PIAS1: variants seen among roughly 807,000 people sequenced by gnomAD.
PIAS1 encodes the protein protein inhibitor of activated STAT 1.
PIAS1 carries 6 observed loss-of-function variants against 71.3 expected under a neutral mutation model. That is an observed-to-expected ratio of 0.08 (90% CI 0.05 to 0.17). The LOEUF is 0.17. PIAS1 is among the 10% of genes least tolerant of loss of function. The pLI, the probability that PIAS1 is intolerant of heterozygous loss-of-function variation, is 1.00. For synonymous variants in PIAS1, 303 were observed against 292.9 expected (o/e 1.03, Z -0.35); for missense variants, 555 against 793.6 (o/e 0.70, Z 3.61).
intron 1 of PIAS1, among the ~76,000 whole-genome samples, chr15:68,073,260 AC>A (rs2092121308): frequency 6.6e-6 from 1 of 151,948 alleles, no homozygotes; most frequent in African/African-American, 2.4e-5. Context: ...CTCGTGATCT[AC>A]CCATCTCGGC....
intron 2 of PIAS1, among the ~76,000 whole-genome samples, chr15:68,119,727 T>C (rs558497789): frequency 2.0e-5 from 3 of 152,326 alleles, no homozygotes; most frequent in Admixed American, 2.0e-4. Context: ...TCTTCCAATT[T>C]CCTGTCCAGT....
At chr15:68,059,598 C>T (rs759108202) in intron 1 of PIAS1, among the ~76,000 whole-genome samples, 7 of 150,818 alleles carry the variant, frequency 4.6e-5, no homozygotes, top group Non-Finnish European at 7.4e-5. Context: ...GTAATCTCAG[C>T]TACTCAGGAG....
intron 2 of PIAS1, among the ~76,000 whole-genome samples, chr15:68,100,005 T>G (rs1281554493): frequency 6.6e-6 from 1 of 152,100 alleles, no homozygotes. Context: ...TTATTGACTT[T>G]TGAGAGTTCC....
At chr15:68,148,183 C>T (rs2092821520) in intron 6 of PIAS1, among the ~76,000 whole-genome samples, 1 of 152,124 alleles carries the variant, frequency 6.6e-6, no homozygotes, top group Non-Finnish European at 1.5e-5. Context: ...GGGAGGGCTT[C>T]CCTGAGGAAG....
At chr15:68,107,451 T>C (rs2092481650) in intron 2 of PIAS1, among the ~76,000 whole-genome samples, 1 of 152,206 alleles carries the variant, frequency 6.6e-6, no homozygotes, top group East Asian at 1.9e-4. Context: ...CAATATTTAC[T>C]CAAATGCCTG....
intron 2 of PIAS1, among the ~76,000 whole-genome samples, chr15:68,132,147 A>G (rs920973359): frequency 1.3e-5 from 2 of 152,014 alleles, no homozygotes; most frequent in Non-Finnish European, 1.5e-5. Flanking sequence ...ACTCCCAGAC[A>G]TGTATGTTTT....
At chr15:68,126,831 CTT>C (rs11398406) in intron 2 of PIAS1, among the ~76,000 whole-genome samples, 33 of 146,288 alleles carry the variant, frequency 2.3e-4, no homozygotes, top group East Asian at 8.0e-4. Context: ...TCCCAGCTAC[CTT>C]TTTTTTTTTT....
Position 68,164,398 on chromosome 15 carries a change from A to G in PIAS1, c.935-333A>G, listed in dbSNP as rs148101423. On this transcript the variant is annotated intron_variant, in intron 7 of 13. Coordinates refer to ENST00000249636, the MANE Select transcript of PIAS1 (RefSeq NM_016166.3). ...TTAAAAGAAAGAAAACCTTGATCCA[A>G]TATCTTAGAGTTATAAAAGAAAAAG... 2.1e-3 allele frequency among the ~76,000 whole-genome samples: 313 copies of G among 152,284 alleles called. 1 individual carries two copies. The highest frequency in any genetic ancestry group is 3.3e-3 in the Non-Finnish European group (222 of 68,008).
Position 68,186,784 on chromosome 15 carries a change from C to G in PIAS1, c.1663-758C>G, listed in dbSNP as rs1049491576. 2.0e-5 allele frequency among the ~76,000 whole-genome samples: 3 copies of G among 152,238 alleles called. No individual in the cohort carries two copies. Among genetic ancestry groups the G allele is most frequent in the Non-Finnish European group, 2.9e-5 (2 of 68,034 alleles). On this transcript the variant is annotated intron_variant, in intron 13 of 13. Coordinates refer to ENST00000249636, the MANE Select transcript of PIAS1 (RefSeq NM_016166.3). The surrounding 1 kb of genome is among the most constrained non-coding windows in gnomAD (Gnocchi z 4.4). Reference sequence around the variant, plus strand: ...CTTAGCATTGTGTTACAGTTGCCTACGGCATTCAGCACAGTAACATGCTGT... The same window carrying G: ...CTTAGCATTGTGTTACAGTTGCCTAGGGCATTCAGCACAGTAACATGCTGT...
rs527649821 is a variant in PIAS1 at position 68,189,800 on chromosome 15, G to C, written c.*1965G>C. The C allele has an allele frequency of 6.6e-6, 1 of 152,120 alleles. No individual in the cohort carries two copies. 9.4% of individuals were successfully genotyped at this position (152,120 alleles called of 1,614,324 possible). A position where few individuals can be genotyped will look rare whatever the true frequency, so the allele number is the denominator to read the frequency against. ...ACCAAAACAGATTGTCAGTTAACCA[G>C]GAAACAGTTAATGTTTTTTAATGAA... is the stretch of plus-strand genomic sequence containing the variant. On this transcript the variant is annotated 3_prime_UTR_variant, in exon 14 of 14. Coordinates refer to ENST00000249636, the MANE Select transcript of PIAS1 (RefSeq NM_016166.3).
In PIAS1 at chr15:68,171,350, T is replaced by C. The variant is rs1448352406; in HGVS notation, c.1009-2382T>C. ...TGTTTTACAGTTAACTTTTAAAATA[T>C]ATATAAGTAAAGGGAGTACACTCCA... is the stretch of plus-strand genomic sequence containing the variant. On this transcript the variant is annotated intron_variant, in intron 8 of 13. Coordinates refer to ENST00000249636, the MANE Select transcript of PIAS1 (RefSeq NM_016166.3). This position sits in a 1 kb window ranked among gnomAD's most constrained non-coding sequence, Gnocchi z 4.4. Among the ~76,000 whole-genome samples, 4 of 151,656 alleles carry C rather than the reference T, an allele frequency of 2.6e-5. No homozygotes were observed. Among genetic ancestry groups the C allele is most frequent in the African/African-American group, 7.3e-5 (3 of 41,276 alleles).
At chr15:68,120,355 A>G (rs1326065537) in intron 2 of PIAS1, among the ~76,000 whole-genome samples, 1 of 151,702 alleles carries the variant, frequency 6.6e-6, no homozygotes, top group Admixed American at 6.6e-5. Flanking sequence ...TTTTAAATTT[A>G]CCATCTTGGT....
At chr15:68,142,254 T>C in intron 3 of PIAS1, 36 bp from the exon 4 acceptor site, 2 of 1,553,380 alleles carry the variant, frequency 1.3e-6, no homozygotes, top group South Asian at 2.3e-5. Flanking sequence ...GCAAATACTT[T>C]AAAAGTAATT....
intron 6 of PIAS1, among the ~76,000 whole-genome samples, chr15:68,149,087 TTTTTG>T (rs954499913): frequency 5.9e-5 from 9 of 152,068 alleles, no homozygotes; most frequent in Admixed American, 3.3e-4. Context: ...TTTTGTTTTG[TTTTTG>T]TTTTGTTTTG....
chr15:68,146,820 C>T (rs1446229653), intron 6 of PIAS1, 120 bp downstream of exon 6: 3 of 777,738 alleles, frequency 3.9e-6, no homozygotes, highest in Non-Finnish European at 6.3e-6. Context: ...ATTTTTGTCT[C>T]ACAATGAATT....
intron 6 of PIAS1, among the ~76,000 whole-genome samples, chr15:68,149,525 A>T (rs2092831565): frequency 6.6e-6 from 1 of 151,924 alleles, no homozygotes; most frequent in Admixed American, 6.6e-5. Flanking sequence ...GTATTTTCAA[A>T]TCTTCTTTTA....
rs1217645886 is a variant in PIAS1, at chr15:68,178,168, G to C, written c.1481+1514G>C. Among the ~76,000 whole-genome samples the C allele has an allele frequency of 6.6e-6, 1 of 152,210 alleles. No homozygotes were observed. Among genetic ancestry groups the C allele is most frequent in the Non-Finnish European group, 1.5e-5 (1 of 68,042 alleles). ...GCCTGTTGTCCCAACTACTCGGAGGGCTGATGGGGGAGGATCACTTGAACC... is the reference window on the plus strand; with the variant it reads ...GCCTGTTGTCCCAACTACTCGGAGGCCTGATGGGGGAGGATCACTTGAACC... On this transcript the variant is annotated intron_variant, in intron 11 of 13. Transcript: ENST00000249636. This position sits in a 1 kb window ranked among gnomAD's most constrained non-coding sequence, Gnocchi z 4.2.
chr15:68,175,579 T>C (rs2093015847), intron 9 of PIAS1, 58 bp from the exon 10 acceptor site: 4 of 922,450 alleles, frequency 4.3e-6, no homozygotes, highest in Non-Finnish European at 6.0e-6. Flanking sequence ...ATAACTTAAG[T>C]TGTTCAACCT....
At chr15:68,114,175 C>CA (rs1463222841) in intron 2 of PIAS1, among the ~76,000 whole-genome samples, 7 of 151,896 alleles carry the variant, frequency 4.6e-5, no homozygotes, top group African/African-American at 1.7e-4. Flanking sequence ...ACAAAGGAGT[C>CA]AATTTTTGCT....
Sources: gnomAD v4.1 joint callset for allele counts (sites outside exome capture counted in the v4.1 genomes callset) on GRCh38, gnomAD v4.1.1 for gene constraint, Gnocchi (gnomAD v3.1) non-coding constraint, MANE v1.5 for transcripts, NCBI Gene and HGNC (gene_info 2026-07-23, HGNC 2026-07-21) for gene names.